CDH8: variants seen among roughly 807,000 people sequenced by gnomAD.
The protein encoded by CDH8 is cadherin-8.
In CDH8, 17 loss-of-function variants were observed where a neutral mutation model predicts 68.1. The ratio of observed to expected loss-of-function variants is 0.25; its 90% confidence interval spans 0.17 to 0.37. CDH8 has a LOEUF of 0.37. Ranked by LOEUF, CDH8 falls within the 10% of genes least tolerant of loss-of-function variation. The pLI is 1.00. For synonymous variants in CDH8, 372 were observed against 365.1 expected, an observed-to-expected ratio of 1.02 and a Z score of -0.21; for missense variants, 763 against 999.3, an observed-to-expected ratio of 0.76 and a Z score of 3.19.
chr16:61,984,057 G>A (rs1567556251), intron 2 of CDH8, among the ~76,000 whole-genome samples: 1 of 151,924 alleles, frequency 6.6e-6, no homozygotes, highest in African/African-American at 2.4e-5. Context: ...AGCTGGGACT[G>A]CAGGCGTGAG....
At chr16:61,982,103 T>C (rs1231188789) in intron 2 of CDH8, among the ~76,000 whole-genome samples, 2 of 152,188 alleles carry the variant, frequency 1.3e-5, no homozygotes, top group Non-Finnish European at 2.9e-5. Context: ...AATTACCAAA[T>C]TCAGAAATGT....
intron 2 of CDH8, among the ~76,000 whole-genome samples, chr16:61,968,258 A>G (rs939276618): frequency 2.6e-5 from 4 of 152,238 alleles, no homozygotes; most frequent in Non-Finnish European, 5.9e-5. Flanking sequence ...GTGAGAAAGA[A>G]TGAAACAGGT....
At position 61,658,132 on chromosome 16, in the gene CDH8, T is replaced by A. The variant is rs1437470015; in HGVS notation, c.1655-2411A>T. On this transcript the variant is annotated intron_variant, in intron 10 of 11. Transcript: ENST00000577390. ...TTTGGATTGGTAATTGTATTTGTTTTCAATTTACTTGAGTTCTTTCATTAG... is the reference window on the plus strand; with the variant it reads ...TTTGGATTGGTAATTGTATTTGTTTACAATTTACTTGAGTTCTTTCATTAG... Among the ~76,000 whole-genome samples the A allele has an allele frequency of 3.9e-5, 6 of 152,176 alleles. No homozygotes were observed. The East Asian group carries it at 1.2e-3, about 29-fold the overall frequency.
intron 4 of CDH8, 119 bp downstream of exon 4, chr16:61,857,000 A>C: frequency 8.4e-7 from 1 of 1,192,920 alleles, no homozygotes; most frequent in Non-Finnish European, 1.2e-6. Context: ...GCATATTCAA[A>C]TATTATTGAT....
intron 2 of CDH8, among the ~76,000 whole-genome samples, chr16:61,997,001 A>ATGTG (rs539962151): frequency 9.3e-5 from 8 of 86,180 alleles, no homozygotes; most frequent in Middle Eastern, 6.4e-3. Context: ...TATTGTGTGT[A>ATGTG]TGTGTGTGTG....
At chr16:61,871,460 A>C (rs1186046867) in intron 3 of CDH8, among the ~76,000 whole-genome samples, 1 of 151,932 alleles carries the variant, frequency 6.6e-6, no homozygotes, top group Non-Finnish European at 1.5e-5. Flanking sequence ...CACTGTGCCC[A>C]GCCTACCTAA....
intron 2 of CDH8, among the ~76,000 whole-genome samples, chr16:61,968,782 C>T (rs758175371): frequency 2.8e-4 from 43 of 152,274 alleles, no homozygotes; most frequent in African/African-American, 7.5e-4. Flanking sequence ...CAATTCTAAG[C>T]GGCAGGAGGG....
chr16:61,843,791 C>T (rs1182560689), intron 4 of CDH8, among the ~76,000 whole-genome samples: 1 of 152,062 alleles, frequency 6.6e-6, no homozygotes, highest in Non-Finnish European at 1.5e-5. Context: ...AGTTCTAGAT[C>T]CCTGAGGAAT....
chr16:61,907,827 G>A (rs144571722), intron 2 of CDH8, among the ~76,000 whole-genome samples: 653 of 152,042 alleles, frequency 4.3e-3, no homozygotes, highest in Middle Eastern at 6.8e-3. Context: ...GGCGGATCAC[G>A]AGGTCAGGAG....
At chr16:61,854,207 T>G (rs1190730583) in intron 4 of CDH8, among the ~76,000 whole-genome samples, 1 of 151,882 alleles carries the variant, frequency 6.6e-6, no homozygotes, top group African/African-American at 2.4e-5. Context: ...GCCAAAGGAT[T>G]ACTTTAAGGA....
At chr16:61,983,156 G>T (rs1418446893) in intron 2 of CDH8, among the ~76,000 whole-genome samples, 1 of 152,108 alleles carries the variant, frequency 6.6e-6, no homozygotes, top group African/African-American at 2.4e-5. Context: ...AAGGTGTCCA[G>T]AATCCCAAAT....
intron 8 of CDH8, chr16:61,743,132 C>CT (rs2142928776): frequency 6.6e-6 from 1 of 152,116 alleles, no homozygotes; most frequent in South Asian, 2.1e-4. Flanking sequence ...TTTCCTTTAT[C>CT]TTTTTTCTTT....
chr16:61,996,964 TCAAA>T (rs1965813570), intron 2 of CDH8, among the ~76,000 whole-genome samples: 1 of 151,652 alleles, frequency 6.6e-6, no homozygotes, highest in East Asian at 2.0e-4. Context: ...TTAATACACT[TCAAA>T]CAAGTATTTC....
intron 8 of CDH8, among the ~76,000 whole-genome samples, chr16:61,744,865 C>A (rs895792936): frequency 2.6e-5 from 4 of 151,258 alleles, no homozygotes; most frequent in African/African-American, 7.3e-5. Flanking sequence ...CCATTTCCAT[C>A]ATTTTTGTTA....
Position 61,709,161 on chromosome 16 carries a change from C to G in CDH8, c.1654+4680G>C, listed in dbSNP as rs111460304. Among the ~76,000 whole-genome samples the G allele has an allele frequency of 7.6e-4, 115 of 152,040 alleles. 1 individual carries two copies. Among genetic ancestry groups the G allele is most frequent in the African/African-American group, 2.1e-3 (86 of 41,482 alleles). The stretch of plus-strand genomic sequence containing the variant: ...ACAAGAGATGTTTCTTTTAGGAAAG[C>G]CTTCTGTTGGTTCCAAAGCAGCCTA... On this transcript the variant is annotated intron_variant, in intron 10 of 11. Coordinates refer to ENST00000577390, the MANE Select transcript of CDH8 (RefSeq NM_001796.5).
At chr16:61,982,510 C>T (rs1965554476) in intron 2 of CDH8, among the ~76,000 whole-genome samples, 2 of 152,180 alleles carry the variant, frequency 1.3e-5, no homozygotes, top group African/African-American at 2.4e-5. Context: ...TGAACCACCG[C>T]GCCCGGCTAG....
intron 4 of CDH8, among the ~76,000 whole-genome samples, chr16:61,827,898 T>A (rs867237763): frequency 6.6e-5 from 10 of 151,762 alleles, no homozygotes; most frequent in Admixed American, 2.6e-4. Context: ...ACCTTACTGA[T>A]AACACAAACA....
intron 2 of CDH8, among the ~76,000 whole-genome samples, chr16:61,988,674 AG>A (rs1965667490): frequency 6.6e-6 from 1 of 152,232 alleles, no homozygotes; most frequent in South Asian, 2.1e-4. Flanking sequence ...ACCAAATTAC[AG>A]GAAAAAACAA....
intron 1 of CDH8, among the ~76,000 whole-genome samples, chr16:62,023,092 C>T (rs967654065): frequency 2.0e-5 from 3 of 152,166 alleles, no homozygotes; most frequent in Non-Finnish European, 4.4e-5. Flanking sequence ...AACAGATTCC[C>T]CTTAAGTCTT....
Sources: allele counts gnomAD v4.1 joint callset (sites outside exome capture counted in the v4.1 genomes callset), GRCh38; gene constraint gnomAD v4.1.1; transcripts MANE v1.5; gene names NCBI Gene and HGNC (gene_info 2026-07-23, HGNC 2026-07-21).